KMT2C: variants seen among roughly 807,000 people sequenced by gnomAD.
The protein encoded by KMT2C is lysine methyltransferase 2C.
Under a neutral mutation model 507.9 loss-of-function variants are expected in KMT2C, and 88 were observed. The observed-to-expected ratio is 0.17, with a 90% confidence interval of 0.15 to 0.21. KMT2C has a LOEUF of 0.21. KMT2C is among the 10% of genes least tolerant of loss of function. The probability of loss-of-function intolerance (pLI) is 1.00; values close to 1 mark genes in which losing one functional copy is unlikely to be tolerated. For missense variants in KMT2C, 4,954 were observed against 5,957.8 expected, an observed-to-expected ratio of 0.83 and a Z score of 5.55; for synonymous variants, 2,049 against 2,080.8, an observed-to-expected ratio of 0.98 and a Z score of 0.42.
chr7:152,313,934 CCATTATTTAAGGCAGAA>C (rs1212334647), intron 4 of KMT2C, among the ~76,000 whole-genome samples: 1 of 151,976 alleles, frequency 6.6e-6, no homozygotes, highest in Non-Finnish European at 1.5e-5. Flanking sequence ...TATATAATTG[CCATTATTTAAGGCAGAA>C]CATGAGGATA....
chr7:152,157,980 CT>C, intron 44 of KMT2C: 1 of 1,209,884 alleles, frequency 8.3e-7, no homozygotes, highest in Non-Finnish European at 1.1e-6. Context: ...CTCAGTGTAG[CT>C]CAACTTTCTA....
intron 1 of KMT2C, among the ~76,000 whole-genome samples, chr7:152,388,105 A>T (rs11764810): frequency 0.19 from 27,850 of 147,510 alleles, 2,852 homozygotes; most frequent in African/African-American, 0.26. Context: ...TCAAAAAAAA[A>T]AAATAAATAA....
intron 2 of KMT2C, among the ~76,000 whole-genome samples, chr7:152,342,389 C>T (rs970523282): frequency 2.6e-5 from 4 of 152,142 alleles, no homozygotes; most frequent in African/African-American, 9.7e-5. Context: ...TTATTGTTAA[C>T]AATTATAATC....
At position 152,178,395 on chromosome 7, in the gene KMT2C, C is replaced by T. The variant is rs147433782; in HGVS notation, c.7443-385G>A. Among the ~76,000 whole-genome samples, 223 of 152,100 alleles carry T rather than the reference C, an allele frequency of 1.5e-3. 1 individual carries two copies. The highest frequency in any genetic ancestry group is 5.0e-3 in the African/African-American group (209 of 41,494). On this transcript the variant is annotated intron_variant, in intron 37 of 58. Transcript: ENST00000262189. ...GGAGGTTCGATGGAGGAAGCTGATT[C>T]GGGGATGATGTTTGAATGAAGATAG...
At chr7:152,369,599 T>G (rs189957245) in intron 1 of KMT2C, among the ~76,000 whole-genome samples, 2 of 152,294 alleles carry the variant, frequency 1.3e-5, no homozygotes, top group Admixed American at 1.3e-4. Context: ...GAGGGATTAA[T>G]GTCGTTCTGA....
chr7:152,396,786 G>A (rs2097540549), intron 1 of KMT2C, among the ~76,000 whole-genome samples: 1 of 152,216 alleles, frequency 6.6e-6, no homozygotes, highest in Admixed American at 6.5e-5. Flanking sequence ...GGCATACTCT[G>A]TTGGGGGAAT....
At chr7:152,429,796 G>A (rs1224847220) in intron 1 of KMT2C, among the ~76,000 whole-genome samples, 5 of 151,696 alleles carry the variant, frequency 3.3e-5, no homozygotes, top group Non-Finnish European at 7.4e-5. Flanking sequence ...TGGGATTACA[G>A]GTGTGAGCCA....
chr7:152,367,102 G>A (rs2097253523), intron 1 of KMT2C: 1 of 857,558 alleles, frequency 1.2e-6, no homozygotes, highest in East Asian at 2.7e-5. Flanking sequence ...TCCAGAGAAG[G>A]AACAGGAAGA....
Position 152,163,122 on chromosome 7 carries a change from C to A in KMT2C, c.10455G>T (p.Gln3485His). 1 of 1,614,230 alleles carries A rather than the reference C, an allele frequency of 6.2e-7. No individual in the cohort carries two copies. The highest frequency in any genetic ancestry group is 1.1e-5 in the South Asian group (1 of 91,090). Residue 3485 changes from glutamine (Q) to histidine (H), a missense_variant, in exon 43 of 59, where the codon CAG (glutamine) becomes CAT (histidine). Gln to His is a conservative substitution (Grantham distance 24). Transcript: ENST00000262189. The part of the protein sequence containing the change: ...HQQQMGQVLQ[Q>H]QNIQQGSINS... ...TAATTGATCCTTGTTGTATATTCTGCTGCTGTAAAACCTGCCCCATTTGCT... is the reference window on the plus strand; with the variant it reads ...TAATTGATCCTTGTTGTATATTCTGATGCTGTAAAACCTGCCCCATTTGCT...
chr7:152,156,421 T>C lies in KMT2C; in HGVS notation c.11671-75A>G, dbSNP rs1343896354. The C allele has an allele frequency of 3.4e-5, 52 of 1,551,020 alleles. No homozygotes were observed. The East Asian group carries it at 1.1e-3, about 33-fold the overall frequency. The stretch of plus-strand genomic sequence containing the variant: ...ATGACCTTGCTAAAACGTAGTTCTG[T>C]GAATTTTTTGCACATAGAAGCAAGG... On this transcript the variant is annotated intron_variant, in intron 44 of 58. Coordinates refer to ENST00000262189, the MANE Select transcript of KMT2C (RefSeq NM_170606.3).
At chr7:152,235,410 A>G (rs1165664063) in intron 16 of KMT2C, among the ~76,000 whole-genome samples, 3 of 152,166 alleles carry the variant, frequency 2.0e-5, no homozygotes, top group African/African-American at 7.2e-5. Flanking sequence ...GAATTTTAAA[A>G]ACAGAATTTT....
intron 9 of KMT2C, 31 bp from the exon 10 acceptor site, chr7:152,252,746 A>G (rs1043983695): frequency 6.6e-7 from 1 of 1,506,404 alleles, no homozygotes; most frequent in Non-Finnish European, 9.1e-7. Context: ...AAACAAAAAC[A>G]GTTTGTTATG....
chr7:152,327,086 T>C (rs1375880240), intron 3 of KMT2C, among the ~76,000 whole-genome samples: 1 of 152,192 alleles, frequency 6.6e-6, no homozygotes, highest in Non-Finnish European at 1.5e-5. Context: ...GTGGTAGTGG[T>C]AGTATAGCCC....
chr7:152,367,825 A>G (rs1290502565), intron 1 of KMT2C: 31 of 926,054 alleles, frequency 3.3e-5, no homozygotes, highest in Non-Finnish European at 5.1e-5. Flanking sequence ...AGCAGGGTGC[A>G]GTGTTGTTTA....
At chr7:152,382,407 C>T (rs1256743037) in intron 1 of KMT2C, among the ~76,000 whole-genome samples, 1 of 152,084 alleles carries the variant, frequency 6.6e-6, no homozygotes, top group Non-Finnish European at 1.5e-5. Flanking sequence ...AATCTACCAT[C>T]TTTTCAAAAA....
chr7:152,213,056 GA>G (rs1305131906), intron 23 of KMT2C, among the ~76,000 whole-genome samples: 5 of 151,792 alleles, frequency 3.3e-5, no homozygotes, highest in South Asian at 2.1e-4. Context: ...TCAAAAAACA[GA>G]AAAAAAACTA....
In KMT2C at chr7:152,181,417, G is replaced by A. The variant is rs1188268997; in HGVS notation, c.6443C>T (p.Ser2148Phe). 1 of 1,613,956 alleles carries A rather than the reference G, an allele frequency of 6.2e-7. No homozygotes were observed. Among genetic ancestry groups the A allele is most frequent in the Non-Finnish European group, 8.5e-7 (1 of 1,179,888 alleles). The change falls in exon 36 of 59, where the codon TCT (serine) becomes TTT (phenylalanine). Residue 2148 changes from serine to phenylalanine, a missense_variant. By Grantham distance (155) the Ser-to-Phe change is radical. Around this residue, in one of 29 missense-constraint regions of KMT2C, gnomAD observed 1,689 missense variants for 1,654.3 expected, o/e 1.02. Coordinates refer to ENST00000262189, the MANE Select transcript of KMT2C (RefSeq NM_170606.3). ...TGTATTGGACCTAGCTGTTCCTGAAGATTGGGAATAAGAATCTACAACAGG... is the reference window on the plus strand; with the variant it reads ...TGTATTGGACCTAGCTGTTCCTGAAAATTGGGAATAAGAATCTACAACAGG... The part of the protein sequence containing the change: ...PRPVVDSYSQ[S>F]SGTARSNTDP...
chr7:152,353,872 T>TCAAATAAA (rs2097132649), intron 2 of KMT2C, among the ~76,000 whole-genome samples: 1 of 152,164 alleles, frequency 6.6e-6, no homozygotes, highest in South Asian at 2.1e-4. Context: ...AAGAGAACCT[T>TCAAATAAA]CAAATAAACC....
chr7:152,139,639 G>C (rs2129089751), intron 56 of KMT2C, 36 bp downstream of exon 56: 2 of 1,342,098 alleles, frequency 1.5e-6, no homozygotes, highest in Non-Finnish European at 2.1e-6. Context: ...GAGGATGATG[G>C]TGCTGTGTAT....
Sources: allele counts gnomAD v4.1 joint callset (sites outside exome capture counted in the v4.1 genomes callset), GRCh38; gene constraint gnomAD v4.1.1; regional missense constraint gnomAD v4.1.1; transcripts MANE v1.5; gene names NCBI Gene and HGNC (gene_info 2026-07-23, HGNC 2026-07-21).